Variants in BMP7 observed in about 807,000 individuals in gnomAD.
BMP7 encodes osteogenic protein 1.
Under a neutral mutation model 41.2 loss-of-function variants are expected in BMP7, and 12 were observed. The ratio of observed to expected loss-of-function variants is 0.29; its 90% confidence interval spans 0.19 to 0.47. BMP7 has a LOEUF of 0.47. Among genes scored for constraint, BMP7 ranks in the 20% least tolerant of loss-of-function variants. The probability of loss-of-function intolerance (pLI) is 0.99; values close to 1 mark genes in which losing one functional copy is unlikely to be tolerated. For synonymous variants in BMP7, 248 were observed against 250.0 expected (o/e 0.99, Z 0.07); for missense variants, 467 against 606.0 (o/e 0.77, Z 2.41).
In BMP7 at chr20:57,172,159, G is replaced by A. The variant is rs147985083; in HGVS notation, c.1146+1041C>T. Among the ~76,000 whole-genome samples, 621 of 152,224 alleles carry A rather than the reference G, an allele frequency of 4.1e-3. 1 individual carries two copies. Among genetic ancestry groups the A allele is most frequent in the Middle Eastern group, 0.017 (5 of 294 alleles). The stretch of plus-strand genomic sequence containing the variant: ...GATAGAGATGTGTCCCCTGGCAGCC[G>A]GGGAGACATGCCTGGCACCTTCCAG... On this transcript the variant is annotated intron_variant, in intron 6 of 6. Transcript: ENST00000395863.
intron 1 of BMP7, among the ~76,000 whole-genome samples, chr20:57,251,634 TA>T (rs2066114066): frequency 6.6e-6 from 1 of 152,084 alleles, no homozygotes; most frequent in Non-Finnish European, 1.5e-5. Context: ...AAGGGACAGA[TA>T]AAAAACTCAG....
chr20:57,207,206 C>G (rs1459851501), intron 2 of BMP7, among the ~76,000 whole-genome samples: 1 of 152,086 alleles, frequency 6.6e-6, no homozygotes, highest in African/African-American at 2.4e-5. Flanking sequence ...GCCACTGAAT[C>G]GAGAAATCTG....
At chr20:57,197,142 T>A (rs908244539) in intron 3 of BMP7, among the ~76,000 whole-genome samples, 1 of 152,030 alleles carries the variant, frequency 6.6e-6, no homozygotes, top group Non-Finnish European at 1.5e-5. Flanking sequence ...CCTCGTGATC[T>A]GCCCGCCTCA....
At chr20:57,255,822 A>G (rs919479248) in intron 1 of BMP7, among the ~76,000 whole-genome samples, 26 of 149,376 alleles carry the variant, frequency 1.7e-4, no homozygotes, top group Non-Finnish European at 7.4e-5. Flanking sequence ...AAAAAAAAAA[A>G]AAGAAAGAAA....
intron 3 of BMP7, among the ~76,000 whole-genome samples, chr20:57,201,317 A>G (rs974764283): frequency 2.0e-5 from 3 of 152,256 alleles, no homozygotes; most frequent in African/African-American, 7.2e-5. Context: ...AACGTCACAC[A>G]GTGTGTGGGT....
chr20:57,179,825 G>A (rs1984033648), intron 4 of BMP7, among the ~76,000 whole-genome samples: 1 of 152,118 alleles, frequency 6.6e-6, no homozygotes, highest in Admixed American at 6.5e-5. Flanking sequence ...ACAGGGCCAC[G>A]AGCCATCCGC....
At chr20:57,178,674 C>G (rs953515907) in intron 4 of BMP7, among the ~76,000 whole-genome samples, 1 of 152,168 alleles carries the variant, frequency 6.6e-6, no homozygotes, top group Non-Finnish European at 1.5e-5. Flanking sequence ...AGCCATGCCC[C>G]TCCACGAGCC....
At chr20:57,193,917 T>C (rs1041536790) in intron 3 of BMP7, among the ~76,000 whole-genome samples, 4 of 152,208 alleles carry the variant, frequency 2.6e-5, no homozygotes, top group Non-Finnish European at 4.4e-5. Flanking sequence ...CCAGAGCAGA[T>C]TGGAGAAGGC....
intron 1 of BMP7, among the ~76,000 whole-genome samples, chr20:57,243,482 A>T (rs923679469): frequency 6.6e-5 from 10 of 152,150 alleles, no homozygotes; most frequent in African/African-American, 2.2e-4. Context: ...CCTAAAAAAA[A>T]AATAATTAAA....
At chr20:57,182,634 C>T (rs1251100041) in intron 4 of BMP7, among the ~76,000 whole-genome samples, 1 of 152,268 alleles carries the variant, frequency 6.6e-6, no homozygotes, top group East Asian at 1.9e-4. Context: ...GTTACCTACA[C>T]TGTGCCCTTA....
chr20:57,249,942 C>T (rs1390375923), intron 1 of BMP7, among the ~76,000 whole-genome samples: 1 of 152,108 alleles, frequency 6.6e-6, no homozygotes, highest in Admixed American at 6.5e-5. Flanking sequence ...AAACTGAGGC[C>T]CAGAGCACTC....
At chr20:57,178,448 G>C (rs938557736) in intron 4 of BMP7, among the ~76,000 whole-genome samples, 15 of 152,116 alleles carry the variant, frequency 9.9e-5, no homozygotes, top group Non-Finnish European at 1.9e-4. Context: ...CACCCTCCGT[G>C]GGGGAGTAGC....
At chr20:57,264,698 T>C (rs755058309) in intron 1 of BMP7, among the ~76,000 whole-genome samples, 1 of 152,140 alleles carries the variant, frequency 6.6e-6, no homozygotes, top group South Asian at 2.1e-4. Context: ...TGAAAATAGA[T>C]TCTGCCGGCC....
At chr20:57,243,970 G>A (rs6092442) in intron 1 of BMP7, 14,588 of 148,064 alleles carry the variant, frequency 0.099, 2,304 homozygotes, top group African/African-American at 0.33. Flanking sequence ...GCGAGAGGGC[G>A]AGTCTCGGCT....
At chr20:57,236,660 A>C (rs1228460514) in intron 1 of BMP7, among the ~76,000 whole-genome samples, 1 of 152,042 alleles carries the variant, frequency 6.6e-6, no homozygotes, top group Non-Finnish European at 1.5e-5. Flanking sequence ...CCAGATTCAG[A>C]GAAAGGGGGC....
Position 57,171,166 on chromosome 20 carries a change from C to G in BMP7, c.1147-58G>C. ...AGAAGCGGTGAGTCGTTCTAACTGG[C>G]CTCCACGTTTCTATAAAGAAACATC... On this transcript the variant is annotated intron_variant, in intron 6 of 6. Coordinates refer to ENST00000395863, the MANE Select transcript of BMP7 (RefSeq NM_001719.3). The surrounding 1 kb of genome is among the most constrained non-coding windows in gnomAD (Gnocchi z 4.5). The G allele has an allele frequency of 1.9e-6, 3 of 1,609,684 alleles. No homozygotes were observed. Among genetic ancestry groups the G allele is most frequent in the Non-Finnish European group, 1.7e-6 (2 of 1,176,528 alleles).
At chr20:57,186,233 G>C (rs913194294) in intron 3 of BMP7, among the ~76,000 whole-genome samples, 20 of 152,178 alleles carry the variant, frequency 1.3e-4, no homozygotes, top group African/African-American at 4.3e-4. Flanking sequence ...GGAATGCAAC[G>C]GAGACTGTGC....
In BMP7 at chr20:57,174,197, C is replaced by T. The variant is rs985371203; in HGVS notation, c.1035+734G>A. Among the ~76,000 whole-genome samples the T allele has an allele frequency of 1.3e-5, 2 of 152,122 alleles. No homozygotes were observed. The highest frequency in any genetic ancestry group is 2.9e-5 in the Non-Finnish European group (2 of 68,000). ...TACAAGCTCCCTGAGGGTAGAATAC[C>T]ACCAGTTGCCCTGATGACCTCATGA... On this transcript the variant is annotated intron_variant, in intron 5 of 6. Coordinates refer to ENST00000395863, the MANE Select transcript of BMP7 (RefSeq NM_001719.3). The surrounding 1 kb of genome is among the most constrained non-coding windows in gnomAD (Gnocchi z 4.3).
chr20:57,181,919 T>C (rs980391009), intron 4 of BMP7, among the ~76,000 whole-genome samples: 1 of 152,234 alleles, frequency 6.6e-6, no homozygotes, highest in African/African-American at 2.4e-5. Flanking sequence ...CCCTTTGCCC[T>C]GGAGGGTGAC....
Sources: gnomAD v4.1 joint callset for allele counts (sites outside exome capture counted in the v4.1 genomes callset) on GRCh38, gnomAD v4.1.1 for gene constraint, Gnocchi (gnomAD v3.1) non-coding constraint, MANE v1.5 for transcripts, NCBI Gene and HGNC (gene_info 2026-07-23, HGNC 2026-07-21) for gene names.